The following DOCK8 variants were observed in gnomAD, a reference collection of about 807,000 sequenced individuals.
DOCK8 encodes the protein dedicator of cytokinesis protein 8.
DOCK8 carries 141 observed loss-of-function variants against 245.6 expected under a neutral mutation model. The ratio of observed to expected loss-of-function variants is 0.57; its 90% CI spans 0.50 to 0.66. The LOEUF (loss-of-function observed/expected upper bound fraction) is 0.66. DOCK8 is among the 30% of genes least tolerant of loss of function. The pLI, the probability that DOCK8 is intolerant of heterozygous loss-of-function variation, is 0.00. For synonymous variants in DOCK8, 1,168 were observed against 970.2 expected (o/e 1.20, Z -3.79); for missense variants, 2,965 against 2,603.4 (o/e 1.14, Z -3.02).
At chr9:225,771 C>T (rs529627769) in intron 1 of DOCK8, among the ~76,000 whole-genome samples, 2 of 152,134 alleles carry the variant, frequency 1.3e-5, no homozygotes, top group South Asian at 4.2e-4. Context: ...GTAAACGGGC[C>T]ATTGAGAGGG....
chr9:302,764 C>G (rs902476251), intron 4 of DOCK8, among the ~76,000 whole-genome samples: 2 of 152,076 alleles, frequency 1.3e-5, no homozygotes, highest in African/African-American at 4.8e-5. Flanking sequence ...CATCACTAAT[C>G]ATTAGATAAA....
chr9:214,685 C>T, upstream of DOCK8: 8 of 1,579,218 alleles, frequency 5.1e-6, no homozygotes, highest in South Asian at 1.1e-5. Flanking sequence ...CCGGGCAGAG[C>T]GCGCCGTCTG....
chr9:356,689 C>A (rs1171332271), intron 14 of DOCK8, among the ~76,000 whole-genome samples: 1 of 152,112 alleles, frequency 6.6e-6, no homozygotes, highest in Non-Finnish European at 1.5e-5. Context: ...TTCATGCACA[C>A]CTTCAGTCCA....
chr9:419,890 A>G (rs2056202682), intron 30 of DOCK8, among the ~76,000 whole-genome samples: 1 of 152,258 alleles, frequency 6.6e-6, no homozygotes, highest in African/African-American at 2.4e-5. Context: ...TTTGCTGAGC[A>G]GTTCATGACC....
intron 1 of DOCK8, among the ~76,000 whole-genome samples, chr9:255,737 C>T (rs73372569): frequency 0.031 from 4,711 of 150,502 alleles, 235 homozygotes; most frequent in African/African-American, 0.11. Context: ...CATACATGTC[C>T]TCTAGTCTCT....
chr9:304,591 A>C lies in DOCK8; in HGVS notation c.415A>C (p.Ser139Arg), dbSNP rs377658939. 1.2e-6 allele frequency: 2 copies of C among 1,614,032 alleles called. No homozygotes were observed. The highest frequency in any genetic ancestry group is 2.7e-5 in the African/African-American group (2 of 74,918). The change falls in exon 5 of 48, where the codon AGT becomes CGT. Residue 139 changes from serine (S) to arginine (R), a missense_variant. Coordinates refer to ENST00000432829, the MANE Select transcript of DOCK8 (RefSeq NM_203447.4). ...TATCAACCATAAAAGAAACCAAGGA[A>C]GTCCAGAAATCTGTGGCTTTAAAAA... is the stretch of plus-strand genomic sequence containing the variant. Reference protein sequence around the residue: ...WLIVNRKNQGSPEICGFKKTG... With the variant: ...WLIVNRKNQGRPEICGFKKTG...
intron 33 of DOCK8, among the ~76,000 whole-genome samples, chr9:426,480 G>C (rs114697262): frequency 4.5e-4 from 69 of 152,212 alleles, no homozygotes; most frequent in African/African-American, 1.6e-3. Flanking sequence ...ACTCTCTCTC[G>C]CATGTTGCAG....
At chr9:228,814 G>A (rs968756280) in intron 1 of DOCK8, among the ~76,000 whole-genome samples, 1 of 152,126 alleles carries the variant, frequency 6.6e-6, no homozygotes, top group Admixed American at 6.6e-5. Context: ...TATTCTGCTG[G>A]TCTTCCTGTA....
intron 14 of DOCK8, among the ~76,000 whole-genome samples, chr9:341,679 G>A (rs1374048932): frequency 1.3e-5 from 2 of 152,158 alleles, no homozygotes; most frequent in Non-Finnish European, 2.9e-5. Context: ...CATTTAAAAT[G>A]TACGCAAATG....
At chr9:230,324 A>G (rs2047083435) in intron 1 of DOCK8, among the ~76,000 whole-genome samples, 2 of 151,996 alleles carry the variant, frequency 1.3e-5, no homozygotes, top group South Asian at 4.1e-4. Flanking sequence ...GGTTGGTTCC[A>G]AGTCTTTGCT....
Position 449,883 on chromosome 9 carries a change from C to T in DOCK8, c.5917C>T (p.Leu1973Phe). 6.2e-7 allele frequency: 1 copy of T among 1,613,904 alleles called. No individual in the cohort carries two copies. Among genetic ancestry groups the T allele is most frequent in the Non-Finnish European group, 8.5e-7 (1 of 1,180,040 alleles). The change falls in exon 45 of 48, where the codon CTT becomes TTT. Residue 1973 changes from leucine (L) to phenylalanine (F), a missense_variant. Leu to Phe is a conservative substitution (Grantham distance 22). Transcript: ENST00000432829. ...CCAGGAGCCGCCTGATGCAAAGATG[C>T]TTCAGATGGTGCTGCAAGGCTCTGT... is the stretch of plus-strand genomic sequence containing the variant. ...INQEPPDAKMLQMVLQGSVGA... is the reference protein window; with the variant it reads ...INQEPPDAKMFQMVLQGSVGA...
chr9:387,958 A>C (rs1254783734), intron 23 of DOCK8, among the ~76,000 whole-genome samples: 10 of 152,220 alleles, frequency 6.6e-5, no homozygotes. Context: ...TGTTTCCTTA[A>C]TACCTTAGCA....
intron 23 of DOCK8, among the ~76,000 whole-genome samples, chr9:386,828 T>C (rs915006792): frequency 1.3e-5 from 2 of 152,244 alleles, no homozygotes; most frequent in African/African-American, 4.8e-5. Context: ...GAGGGAAAGC[T>C]GGGCACAAGT....
chr9:455,324 T>C lies in DOCK8; in HGVS notation c.6068+3207T>C, dbSNP rs2057601379. ...GCCTGGGCAACATGGCGAAACTCTG[T>C]CTCTTTAAAAAAATACAAAAAAATA... On this transcript the variant is annotated intron_variant, in intron 46 of 47. Transcript: ENST00000432829. Among the ~76,000 whole-genome samples, 4 of 141,866 alleles carry C rather than the reference T, an allele frequency of 2.8e-5. No homozygotes were observed. In the Admixed American group the frequency reaches 3.1e-4, roughly 11 times the overall value. 93.1% of individuals were successfully genotyped at this position (141,866 alleles called of 152,430 possible). A position where few individuals can be genotyped will look rare whatever the true frequency, so the allele number is the denominator to read the frequency against.
intron 1 of DOCK8, among the ~76,000 whole-genome samples, chr9:254,398 C>A (rs1008847763): frequency 6.6e-6 from 1 of 152,174 alleles, no homozygotes; most frequent in Non-Finnish European, 1.5e-5. Context: ...CCTTCTGAAG[C>A]GTACCCTATA....
upstream of DOCK8, chr9:214,441 T>C (rs1352163800): frequency 2.0e-6 from 3 of 1,532,074 alleles, no homozygotes; most frequent in African/African-American, 2.8e-5. Flanking sequence ...TAGATTCCAC[T>C]AACTTTTTTG....
intron 1 of DOCK8, among the ~76,000 whole-genome samples, chr9:238,786 T>C (rs1229057130): frequency 2.0e-5 from 3 of 152,242 alleles, no homozygotes; most frequent in Admixed American, 6.5e-5. Flanking sequence ...AAATGTGAGC[T>C]ATACTTTCAT....
At chr9:460,988 T>C (rs940409505) in intron 46 of DOCK8, among the ~76,000 whole-genome samples, 1 of 152,258 alleles carries the variant, frequency 6.6e-6, no homozygotes, top group Non-Finnish European at 1.5e-5. Context: ...ATACAGCCAT[T>C]ATTCTGTCCC....
intron 7 of DOCK8, 131 bp from the exon 8 acceptor site, chr9:325,540 A>G (rs759121854): frequency 2.4e-4 from 189 of 782,972 alleles, no homozygotes; most frequent in Admixed American, 4.5e-4. Flanking sequence ...CGATTCTCAT[A>G]TACTTGGAGT....
Sources: gnomAD v4.1 joint callset for allele counts (sites outside exome capture counted in the v4.1 genomes callset) on GRCh38, gnomAD v4.1.1 for gene constraint, MANE v1.5 for transcripts, NCBI Gene and HGNC (gene_info 2026-07-23, HGNC 2026-07-21) for gene names.